Variants in MICU3 observed in about 807,000 individuals in gnomAD.
The protein encoded by MICU3 is calcium uptake protein 3, mitochondrial.
A neutral mutation model predicts 66.5 loss-of-function variants in MICU3; 62 were observed. The observed-to-expected ratio is 0.93, with a 90% CI of 0.76 to 1.15. The LOEUF is 1.15. Ranked by LOEUF, MICU3 falls within the 50% of genes most tolerant of loss-of-function variation. The probability of loss-of-function intolerance (pLI) is 0.00; values close to 1 mark genes in which losing one functional copy is unlikely to be tolerated. For synonymous variants in MICU3, 308 were observed against 240.7 expected (o/e 1.28, Z -2.59); for missense variants, 779 against 664.4 (o/e 1.17, Z -1.90).
At chr8:17,112,256 A>G (rs75014326) in intron 11 of MICU3, among the ~76,000 whole-genome samples, 10,907 of 152,216 alleles carry the variant, frequency 0.072, 590 homozygotes, top group East Asian at 0.25. Flanking sequence ...CTCTCAGTGC[A>G]TGTATTTTTT....
chr8:17,077,717 A>C, intron 3 of MICU3, 66 bp from the exon 4 acceptor site: 1 of 1,125,158 alleles, frequency 8.9e-7, no homozygotes, highest in South Asian at 1.4e-5. Context: ...ACATTTAAAC[A>C]TGTTTTTGAT....
chr8:17,073,738 G>A (rs141411801), intron 3 of MICU3, among the ~76,000 whole-genome samples: 4 of 152,094 alleles, frequency 2.6e-5, no homozygotes, highest in East Asian at 3.9e-4. Context: ...GCAAAAATTT[G>A]GGAACAATAT....
At chr8:17,092,229 A>T (rs1239693135) in intron 8 of MICU3, among the ~76,000 whole-genome samples, 1 of 151,898 alleles carries the variant, frequency 6.6e-6, no homozygotes, top group Non-Finnish European at 1.5e-5. Flanking sequence ...CATTTTTCTA[A>T]CTTTGACAAT....
At chr8:17,125,247 T>A (rs894260757), downstream of MICU3, among the ~76,000 whole-genome samples, 6 of 152,144 alleles carry the variant, frequency 3.9e-5, no homozygotes, top group African/African-American at 1.4e-4. Flanking sequence ...GGGGTTTTTT[T>A]AATTTCATCA....
At chr8:17,077,683 T>C (rs1442948792) in intron 3 of MICU3, 100 bp from the exon 4 acceptor site, 1 of 778,852 alleles carries the variant, frequency 1.3e-6, no homozygotes, top group Non-Finnish European at 2.1e-6. Flanking sequence ...GTTTCAGGTC[T>C]TTTAAGTGGA....
chr8:17,082,356 G>A (rs986475338), intron 5 of MICU3, among the ~76,000 whole-genome samples: 57 of 152,008 alleles, frequency 3.7e-4, no homozygotes, highest in Non-Finnish European at 1.3e-4. Context: ...CAAGATCCCC[G>A]TGATAATAAA....
At chr8:17,133,298 A>G in the MICU3 span, among the ~76,000 whole-genome samples, 11 of 152,224 alleles carry the variant, frequency 7.2e-5, no homozygotes, top group African/African-American at 2.7e-4. Flanking sequence ...AACAGAAGCT[A>G]GAAATAAACC....
In MICU3 at chr8:17,122,077, A is replaced by G. The variant is rs1366619093; in HGVS notation, c.*1790A>G. ...ATTAAAAATTAAATTAGCCCATTGA[A>G]ATCCTTTATAATTCTGTCATTTTCC... is the stretch of plus-strand genomic sequence containing the variant. On this transcript the variant is annotated 3_prime_UTR_variant, in exon 15 of 15. Coordinates refer to ENST00000318063, the MANE Select transcript of MICU3 (RefSeq NM_181723.3). 1 of 151,852 alleles carries G rather than the reference A, an allele frequency of 6.6e-6. No homozygotes were observed. Among genetic ancestry groups the G allele is most frequent in the East Asian group, 1.9e-4 (1 of 5,196 alleles). 9.4% of individuals were successfully genotyped at this position (151,852 alleles called of 1,614,324 possible). A position where few individuals can be genotyped will look rare whatever the true frequency, so the allele number is the denominator to read the frequency against.
chr8:17,048,502 C>A (rs1815490071), intron 1 of MICU3, among the ~76,000 whole-genome samples: 1 of 152,124 alleles, frequency 6.6e-6, no homozygotes, highest in East Asian at 1.9e-4. Flanking sequence ...AAAGACCCAC[C>A]CCCATGATTC....
chr8:17,118,613 CTA>C, intron 13 of MICU3, 92 bp from the exon 14 acceptor site: 8 of 795,012 alleles, frequency 1.0e-5, no homozygotes, highest in Non-Finnish European at 1.7e-5. Flanking sequence ...CTCTCCACTT[CTA>C]TGAGTTTGAC....
chr8:17,116,551 A>G lies in MICU3; in HGVS notation c.1475A>G (p.Tyr492Cys), dbSNP rs1802698946. The G allele has an allele frequency of 1.9e-6, 3 of 1,566,380 alleles. No individual in the cohort carries two copies. Among genetic ancestry groups the G allele is most frequent in the Non-Finnish European group, 2.6e-6 (3 of 1,164,272 alleles). The change falls in exon 13 of 15, where the codon TAT becomes TGT. Residue 492 changes from tyrosine (Y) to cysteine (C), a missense_variant. Transcript: ENST00000318063. ...FDVDKDDQLSYKEFIGIMKDR... is the reference protein window; with the variant it reads ...FDVDKDDQLSCKEFIGIMKDR... The stretch of plus-strand genomic sequence containing the variant: ...GTTGACAAAGATGATCAATTAAGTT[A>G]TAAAGAATTTATTGGAATTATGAAA...
Position 17,031,262 on chromosome 8 carries a change from T to TTTTTTATTATTA in MICU3, c.381+3604_381+3605insTTTATTATTATT, listed in dbSNP as rs111800861. Among the ~76,000 whole-genome samples, 277 of 139,176 alleles carry TTTTTTATTATTA rather than the reference T, an allele frequency of 2.0e-3. 1 individual carries two copies. Among genetic ancestry groups the TTTTTTATTATTA allele is most frequent in the African/African-American group, 7.0e-3 (258 of 37,060 alleles). 91.3% of individuals were successfully genotyped at this position (139,176 alleles called of 152,430 possible). On this transcript the variant is annotated intron_variant, in intron 1 of 14. Coordinates refer to ENST00000318063, the MANE Select transcript of MICU3 (RefSeq NM_181723.3). ...ATTTTAAACCTATGCTGCCACTTCA[T>TTTTTTATTATTA]TTATTATTATTATTATTATTATTAT... is the stretch of plus-strand genomic sequence containing the variant.
intron 8 of MICU3, chr8:17,090,827 G>A (rs1436097809): frequency 5.9e-6 from 2 of 338,982 alleles, no homozygotes; most frequent in Non-Finnish European, 1.1e-5. Context: ...AAAGGTAAGT[G>A]TACAACAATT....
At chr8:17,029,349 G>A (rs994633002) in intron 1 of MICU3, among the ~76,000 whole-genome samples, 5 of 152,050 alleles carry the variant, frequency 3.3e-5, no homozygotes, top group African/African-American at 7.2e-5. Flanking sequence ...GGTGTTGGGC[G>A]CTTGTAATCC....
chr8:17,069,949 T>A (rs1819300925), intron 3 of MICU3, among the ~76,000 whole-genome samples: 1 of 151,644 alleles, frequency 6.6e-6, no homozygotes, highest in African/African-American at 2.4e-5. Flanking sequence ...GTAAATCTCA[T>A]GTGTTGGTAT....
chr8:17,049,136 A>C (rs1050615786), intron 1 of MICU3, among the ~76,000 whole-genome samples: 1 of 152,160 alleles, frequency 6.6e-6, no homozygotes, highest in African/African-American at 2.4e-5. Context: ...GATGAGACTA[A>C]ATTTCTAAAC....
chr8:17,071,559 G>T (rs1471919283), intron 3 of MICU3, among the ~76,000 whole-genome samples: 1 of 152,000 alleles, frequency 6.6e-6, no homozygotes, highest in East Asian at 1.9e-4. Context: ...TTCAACATAT[G>T]AATCGGGGAG....
chr8:17,079,979 A>G (rs1820936547), intron 4 of MICU3, among the ~76,000 whole-genome samples: 1 of 152,130 alleles, frequency 6.6e-6, no homozygotes, highest in Middle Eastern at 3.2e-3. Context: ...CTTTTAAGGA[A>G]CTTCCCTTAA....
rs748178195 is a variant in MICU3, at chr8:17,104,499, T to C, written c.1085+8T>C. 4 of 1,306,814 alleles carry C rather than the reference T, an allele frequency of 3.1e-6. No homozygotes were observed. The Admixed American group carries it at 9.0e-5, about 29-fold the overall frequency. 81.0% of individuals were successfully genotyped at this position (1,306,814 alleles called of 1,614,324 possible). A position where few individuals can be genotyped will look rare whatever the true frequency, so the allele number is the denominator to read the frequency against. ...CTTTGAAGATTTTTATAGGTGAGCT[T>C]ATTTTTATATTTTTATTAAAAATTA... On this transcript the variant is annotated splice_region_variant and intron_variant, in intron 10 of 14. Coordinates refer to ENST00000318063, the MANE Select transcript of MICU3 (RefSeq NM_181723.3).
Sources: allele counts gnomAD v4.1 joint callset (sites outside exome capture counted in the v4.1 genomes callset), GRCh38; gene constraint gnomAD v4.1.1; transcripts MANE v1.5; gene names NCBI Gene and HGNC (gene_info 2026-07-23, HGNC 2026-07-21).